Variants in SRPK2 observed in about 807,000 individuals in gnomAD.
SRPK2 encodes the protein SRSF protein kinase 2.
Under a neutral mutation model 90.8 loss-of-function variants are expected in SRPK2, and 21 were observed. The observed-to-expected ratio is 0.23, with a 90% CI of 0.16 to 0.33. The LOEUF is 0.33. SRPK2 is among the 10% of genes least tolerant of loss of function. The pLI is 1.00. For missense variants in SRPK2, 620 were observed against 869.0 expected, an observed-to-expected ratio of 0.71 and a Z score of 3.60; for synonymous variants, 288 against 311.1, an observed-to-expected ratio of 0.93 and a Z score of 0.78.
chr7:105,256,518 A>G (rs1028460970), intron 2 of SRPK2, among the ~76,000 whole-genome samples: 3 of 152,016 alleles, frequency 2.0e-5, no homozygotes, highest in Non-Finnish European at 4.4e-5. Context: ...ACCATGCCCA[A>G]CTTATTTTTA....
chr7:105,183,720 C>T (rs1475371009), intron 3 of SRPK2, among the ~76,000 whole-genome samples: 2 of 152,042 alleles, frequency 1.3e-5, no homozygotes, highest in Admixed American at 6.6e-5. Flanking sequence ...CAATTCCTGA[C>T]CTCAAATGAT....
chr7:105,378,383 C>G lies in SRPK2; in HGVS notation c.71+10265G>C, dbSNP rs531518399. Among the ~76,000 whole-genome samples, 31 of 152,080 alleles carry G rather than the reference C, an allele frequency of 2.0e-4. No individual in the cohort carries two copies. The South Asian group carries it at 5.8e-3, about 28-fold the overall frequency. ...TTTATAAATCAGTAAGAAAAACTTA[C>G]GACACAATATTTTTTTTAAAGGGTA... On this transcript the variant is annotated intron_variant, in intron 2 of 15. Coordinates refer to ENST00000393651, the MANE Select transcript of SRPK2 (RefSeq NM_182692.3).
intron 2 of SRPK2, among the ~76,000 whole-genome samples, chr7:105,361,077 AC>A (rs1204070093): frequency 3.9e-5 from 6 of 152,074 alleles, no homozygotes; most frequent in African/African-American, 1.2e-4. Flanking sequence ...TATTTAGAAA[AC>A]CCCATCATCT....
chr7:105,214,451 G>C (rs965271985), intron 2 of SRPK2, among the ~76,000 whole-genome samples: 1 of 152,120 alleles, frequency 6.6e-6, no homozygotes, highest in African/African-American at 2.4e-5. Context: ...CTCTTTAGTA[G>C]AATTCACCTT....
chr7:105,117,795 T>C lies in SRPK2; in HGVS notation c.*43A>G. 3.1e-6 allele frequency: 5 copies of C among 1,599,466 alleles called. No individual in the cohort carries two copies. The highest frequency in any genetic ancestry group is 1.1e-5 in the South Asian group (1 of 90,578). On this transcript the variant is annotated 3_prime_UTR_variant, in exon 16 of 16. Coordinates refer to ENST00000393651, the MANE Select transcript of SRPK2 (RefSeq NM_182692.3). Reference sequence around the variant, plus strand: ...GAGTCACCGTTTAGGTCCAATGTACTGGGAACATTTGCTAGCTCAGAATGC... The same window carrying C: ...GAGTCACCGTTTAGGTCCAATGTACCGGGAACATTTGCTAGCTCAGAATGC...
rs117920372 is a variant in SRPK2, at chr7:105,245,691, G to A, written c.72-41906C>T. 3.1e-3 allele frequency among the ~76,000 whole-genome samples: 471 copies of A among 152,140 alleles called. 3 individuals carry two copies. The highest frequency in any genetic ancestry group is 5.5e-3 in the Non-Finnish European group (377 of 67,994). On this transcript the variant is annotated intron_variant, in intron 2 of 15. Transcript: ENST00000393651. ...GAAAATGAGGAGATAAAGTAACTCG[G>A]GCTTCTGCATTTAGAAAACACTTTT... is the stretch of plus-strand genomic sequence containing the variant.
At chr7:105,238,599 C>G (rs1283387224) in intron 2 of SRPK2, among the ~76,000 whole-genome samples, 1 of 152,234 alleles carries the variant, frequency 6.6e-6, no homozygotes, top group Non-Finnish European at 1.5e-5. Flanking sequence ...ATTGCCCACT[C>G]TTTTATTACA....
At chr7:105,180,129 G>A (rs896631042) in intron 3 of SRPK2, among the ~76,000 whole-genome samples, 2 of 152,124 alleles carry the variant, frequency 1.3e-5, no homozygotes, top group African/African-American at 4.8e-5. Context: ...GCAATCCTAA[G>A]CAAAAAGAAC....
intron 2 of SRPK2, among the ~76,000 whole-genome samples, chr7:105,387,386 G>C (rs1821730320): frequency 6.6e-6 from 1 of 152,068 alleles, no homozygotes; most frequent in Non-Finnish European, 1.5e-5. Context: ...TTTTTTAAAA[G>C]CAACCAAAAC....
chr7:105,292,508 A>AAAAG (rs1162874810), intron 2 of SRPK2, among the ~76,000 whole-genome samples: 2 of 150,116 alleles, frequency 1.3e-5, no homozygotes, highest in Non-Finnish European at 3.0e-5. Context: ...AAAAAAAAAA[A>AAAAG]AAAAAAAAAA....
chr7:105,277,356 G>A (rs563236563), intron 2 of SRPK2, among the ~76,000 whole-genome samples: 44 of 152,288 alleles, frequency 2.9e-4, no homozygotes, highest in African/African-American at 9.6e-4. Context: ...GATTACAGGC[G>A]TGAGCCACTG....
intron 2 of SRPK2, among the ~76,000 whole-genome samples, chr7:105,207,242 T>G (rs777632266): frequency 1.3e-5 from 2 of 152,182 alleles, no homozygotes; most frequent in Non-Finnish European, 2.9e-5. Flanking sequence ...GCTCAAAGAA[T>G]CCTCCTGCCT....
chr7:105,156,397 T>G (rs1045378512), intron 7 of SRPK2, among the ~76,000 whole-genome samples: 12 of 152,238 alleles, frequency 7.9e-5, no homozygotes, highest in African/African-American at 2.7e-4. Flanking sequence ...GTACTCAAAT[T>G]ATACCTGGCA....
At chr7:105,140,462 A>G (rs1209496187) in intron 11 of SRPK2, among the ~76,000 whole-genome samples, 1 of 151,996 alleles carries the variant, frequency 6.6e-6, no homozygotes, top group East Asian at 1.9e-4. Context: ...TTAGCCGGGC[A>G]TGGTGACGGG....
At chr7:105,313,616 C>T (rs1354076499) in intron 2 of SRPK2, among the ~76,000 whole-genome samples, 1 of 151,366 alleles carries the variant, frequency 6.6e-6, no homozygotes, top group African/African-American at 2.4e-5. Flanking sequence ...CCAGGTGTGG[C>T]GTCGTGGACC....
In SRPK2 at chr7:105,302,093, G is replaced by C. The variant is rs979811868; in HGVS notation, c.71+86555C>G. ...CTCTAAGGATGATGAGTAGCACTTGGAATTTGAGACAAGGAAAGAGCATTC... is the reference window on the plus strand; with the variant it reads ...CTCTAAGGATGATGAGTAGCACTTGCAATTTGAGACAAGGAAAGAGCATTC... On this transcript the variant is annotated intron_variant, in intron 2 of 15. Coordinates refer to ENST00000393651, the MANE Select transcript of SRPK2 (RefSeq NM_182692.3). 9 of 1,538,508 alleles carry C rather than the reference G, an allele frequency of 5.8e-6. No individual in the cohort carries two copies. The African/African-American group carries it at 1.1e-4, about 19-fold the overall frequency.
chr7:105,347,348 G>A lies in SRPK2; in HGVS notation c.71+41300C>T, dbSNP rs1019124272. The stretch of plus-strand genomic sequence containing the variant: ...AAGTGCTGGGATTACAGGCCACCAT[G>A]CCTGGCTAATTTTTTCTTTAATTTT... On this transcript the variant is annotated intron_variant, in intron 2 of 15. Transcript: ENST00000393651. 2.3e-4 allele frequency among the ~76,000 whole-genome samples: 35 copies of A among 151,908 alleles called. 1 individual carries two copies. The highest frequency in any genetic ancestry group is 6.8e-3 in the Middle Eastern group (2 of 294).
chr7:105,357,165 T>C (rs1433314230), intron 2 of SRPK2, among the ~76,000 whole-genome samples: 1 of 151,686 alleles, frequency 6.6e-6, no homozygotes, highest in Non-Finnish European at 1.5e-5. Flanking sequence ...GCCTCCCGGG[T>C]AGCTGGGACT....
intron 2 of SRPK2, among the ~76,000 whole-genome samples, chr7:105,375,869 A>G (rs1320423069): frequency 6.6e-6 from 1 of 151,772 alleles, no homozygotes; most frequent in Non-Finnish European, 1.5e-5. Context: ...TGCAACTTAT[A>G]GCTGGGCACA....
Sources: gnomAD v4.1 joint callset for allele counts (sites outside exome capture counted in the v4.1 genomes callset) on GRCh38, gnomAD v4.1.1 for gene constraint, MANE v1.5 for transcripts, NCBI Gene and HGNC (gene_info 2026-07-23, HGNC 2026-07-21) for gene names.